HMGB1: variants seen among roughly 807,000 people sequenced by gnomAD.
HMGB1 encodes high mobility group protein B1.
For synonymous variants in HMGB1, 81 were observed against 84.0 expected, an observed-to-expected ratio of 0.96 and a Z score of 0.19; for missense variants, 79 against 253.5, an observed-to-expected ratio of 0.31 and a Z score of 4.67.
Position 30,559,037 on chromosome 13 carries a change from A to G in HMGB1, c.-15+57634T>C, listed in dbSNP as rs1286290620. Among the ~76,000 whole-genome samples the G allele has an allele frequency of 2.0e-5, 3 of 152,208 alleles. No homozygotes were observed. Reference sequence around the variant, plus strand: ...TGTGTTGAATGAATAAATGATCTGTACACTTTTCCAGAAAGCTCTGAATCT... The same window carrying G: ...TGTGTTGAATGAATAAATGATCTGTGCACTTTTCCAGAAAGCTCTGAATCT... On this transcript the variant is annotated intron_variant, in intron 1 of 4. Transcript: ENST00000405805. This position sits in a 1 kb window ranked among gnomAD's most constrained non-coding sequence, Gnocchi z 6.6.
chr13:30,564,563 A>C (rs1231021491), intron 1 of HMGB1, among the ~76,000 whole-genome samples: 1 of 152,218 alleles, frequency 6.6e-6, no homozygotes, highest in Non-Finnish European at 1.5e-5. Flanking sequence ...TAAATTTTAG[A>C]AGGTTTATAA....
chr13:30,575,146 A>C (rs920643645), intron 1 of HMGB1, among the ~76,000 whole-genome samples: 3 of 152,250 alleles, frequency 2.0e-5, no homozygotes, highest in African/African-American at 7.2e-5. Flanking sequence ...AAATGAAAAA[A>C]TAGTAGCCTT....
chr13:30,585,521 A>C (rs984012656), intron 1 of HMGB1, among the ~76,000 whole-genome samples: 3 of 151,886 alleles, frequency 2.0e-5, no homozygotes, highest in African/African-American at 4.8e-5. Flanking sequence ...AAAATGCAAA[A>C]TACAAAATAA....
intron 1 of HMGB1, among the ~76,000 whole-genome samples, chr13:30,546,678 T>A (rs189791615): frequency 5.5e-4 from 84 of 151,626 alleles, no homozygotes; most frequent in African/African-American, 2.0e-3. Context: ...AGAGATGGGG[T>A]CTTGCTATGT....
upstream of HMGB1, among the ~76,000 whole-genome samples, chr13:30,467,603 TA>T (rs1334943141): frequency 6.6e-6 from 1 of 152,250 alleles, no homozygotes; most frequent in Non-Finnish European, 1.5e-5. Flanking sequence ...TTTATGTTAT[TA>T]TTTTCACACA....
chr13:30,476,895 C>T (rs1887110813), intron 1 of HMGB1, among the ~76,000 whole-genome samples: 1 of 151,098 alleles, frequency 6.6e-6, no homozygotes, highest in Non-Finnish European at 1.5e-5. Flanking sequence ...TTTGTTTAAT[C>T]CTAACAGTAA....
intron 1 of HMGB1, chr13:30,539,592 T>TG: frequency 1.1e-5 from 3 of 273,172 alleles, no homozygotes; most frequent in Non-Finnish European, 6.8e-6. Flanking sequence ...GCTAATGTGC[T>TG]GGGGGCAGCT....
In HMGB1 at chr13:30,483,068, A is replaced by G. The variant is rs185250581; in HGVS notation, c.-14-19374T>C. Among the ~76,000 whole-genome samples the G allele has an allele frequency of 1.9e-3, 295 of 152,104 alleles. 1 individual carries two copies. The highest frequency in any genetic ancestry group is 6.9e-3 in the African/African-American group (288 of 41,462). On this transcript the variant is annotated intron_variant, in intron 1 of 4. Coordinates refer to the HMGB1 transcript ENST00000405805. Reference sequence around the variant, plus strand: ...CTCGGCCTCCTAAAGTGCTGGAATTATAGTGTGAGCCACCATGGCTGGTCC... The same window carrying G: ...CTCGGCCTCCTAAAGTGCTGGAATTGTAGTGTGAGCCACCATGGCTGGTCC...
rs142392280 is a variant in HMGB1 at position 30,588,089 on chromosome 13, A to T, written c.-15+28582T>A. Among the ~76,000 whole-genome samples, 542 of 152,340 alleles carry T rather than the reference A, an allele frequency of 3.6e-3. 2 individuals are homozygous for T. The highest frequency in any genetic ancestry group is 0.011 in the African/African-American group (460 of 41,576). On this transcript the variant is annotated intron_variant, in intron 1 of 4. Coordinates refer to the HMGB1 transcript ENST00000405805. The stretch of plus-strand genomic sequence containing the variant: ...ATTTATCATATTATTTAAGAAACAA[A>T]CATTTATTGAAGATTTATCATGTGC...
chr13:30,540,993 G>C (rs1440340223), intron 1 of HMGB1: 1 of 151,762 alleles, frequency 6.6e-6, no homozygotes, highest in Non-Finnish European at 1.5e-5. Flanking sequence ...TTTTGGGTGT[G>C]TGTGTGTGTG....
rs933458083 is a variant in HMGB1, at chr13:30,511,373, G to A, written c.-14-47679C>T. 3.9e-5 allele frequency among the ~76,000 whole-genome samples: 6 copies of A among 152,236 alleles called. No individual in the cohort carries two copies. In the South Asian group the frequency reaches 6.2e-4, roughly 16 times the overall value. On this transcript the variant is annotated intron_variant, in intron 1 of 4. Transcript: ENST00000405805. Reference sequence around the variant, plus strand: ...GCCCTCCCTGAGGTAATGAGTGAGAGCTGGTTGTTTAAAGGAGCCTGGCAC... The same window carrying A: ...GCCCTCCCTGAGGTAATGAGTGAGAACTGGTTGTTTAAAGGAGCCTGGCAC...
At chr13:30,567,134 A>C (rs1318671262) in intron 1 of HMGB1, among the ~76,000 whole-genome samples, 4 of 152,198 alleles carry the variant, frequency 2.6e-5, no homozygotes, top group African/African-American at 9.7e-5. Context: ...AGTTTCAAGA[A>C]TCAGGCAAAT....
rs140460043 is a variant in HMGB1 at position 30,535,649 on chromosome 13, G to T, written c.-14-71955C>A. Reference sequence around the variant, plus strand: ...TCACGCCTGTAATCCCAGCACTTTGGGAAGCTGAGGAGGGCAGATCACCTA... The same window carrying T: ...TCACGCCTGTAATCCCAGCACTTTGTGAAGCTGAGGAGGGCAGATCACCTA... On this transcript the variant is annotated intron_variant, in intron 1 of 4. Coordinates refer to the HMGB1 transcript ENST00000405805. Among the ~76,000 whole-genome samples the T allele has an allele frequency of 2.4e-3, 359 of 152,314 alleles. 1 individual carries two copies. Among genetic ancestry groups the T allele is most frequent in the African/African-American group, 8.1e-3 (338 of 41,568 alleles).
chr13:30,545,174 G>A (rs1345352431), intron 1 of HMGB1, among the ~76,000 whole-genome samples: 6 of 151,990 alleles, frequency 3.9e-5, no homozygotes, highest in Non-Finnish European at 8.8e-5. Context: ...TGAGAGCGAG[G>A]CATTTAAAAT....
At chr13:30,570,756 A>G (rs1226873288) in intron 1 of HMGB1, among the ~76,000 whole-genome samples, 1 of 152,238 alleles carries the variant, frequency 6.6e-6, no homozygotes, top group Non-Finnish European at 1.5e-5. Flanking sequence ...CTATTATTAA[A>G]TGGCCATCTT....
At chr13:30,599,080 C>A (rs1444015283) in intron 1 of HMGB1, among the ~76,000 whole-genome samples, 1 of 152,146 alleles carries the variant, frequency 6.6e-6, no homozygotes, top group East Asian at 1.9e-4. Context: ...CAAGTAGCAA[C>A]CAACAGTTTT....
At chr13:30,469,197 T>C (rs1360708805), upstream of HMGB1, among the ~76,000 whole-genome samples, 1 of 152,074 alleles carries the variant, frequency 6.6e-6, no homozygotes, top group Non-Finnish European at 1.5e-5. Context: ...GGCCAAGTTA[T>C]TGGGTGTTTT....
intron 1 of HMGB1, among the ~76,000 whole-genome samples, chr13:30,606,029 CA>C (rs1389347282): frequency 3.3e-5 from 5 of 151,990 alleles, no homozygotes; most frequent in African/African-American, 1.2e-4. Context: ...ACAATTTCCC[CA>C]ATATGTGATT....
chr13:30,610,401 A>C (rs1461687206), intron 1 of HMGB1, among the ~76,000 whole-genome samples: 3 of 152,228 alleles, frequency 2.0e-5, no homozygotes, highest in Admixed American at 6.5e-5. Context: ...AATTTAAAGC[A>C]ATCTGTAAAG....
Sources: gnomAD v4.1 joint callset for allele counts (sites outside exome capture counted in the v4.1 genomes callset) on GRCh38, gnomAD v4.1.1 for gene constraint, Gnocchi (gnomAD v3.1) non-coding constraint, MANE v1.5 for transcripts, NCBI Gene and HGNC (gene_info 2026-07-23, HGNC 2026-07-21) for gene names.